Variants in SLIT1 observed in about 807,000 individuals in gnomAD.
SLIT1 encodes the protein slit guidance ligand 1.
In SLIT1, 66 loss-of-function variants were observed where a neutral mutation model predicts 186.1. The observed-to-expected ratio is 0.35, with a 90% confidence interval of 0.29 to 0.44. SLIT1 has a LOEUF of 0.44. Among genes scored for constraint, SLIT1 ranks in the 20% least tolerant of loss-of-function variants. The probability of loss-of-function intolerance (pLI) is 1.00; values close to 1 mark genes in which losing one functional copy is unlikely to be tolerated. For synonymous variants in SLIT1, 761 were observed against 833.8 expected (o/e 0.91, Z 1.50); for missense variants, 1,638 against 2,037.4 (o/e 0.80, Z 3.77).
At chr10:97,023,400 G>C (rs1848518242) in intron 25 of SLIT1, among the ~76,000 whole-genome samples, 1 of 151,942 alleles carries the variant, frequency 6.6e-6, no homozygotes, top group Admixed American at 6.6e-5. Flanking sequence ...CTCTAGAACA[G>C]ATGCCTAGAA....
At position 97,002,335 on chromosome 10, in the gene SLIT1, G is replaced by A; in HGVS notation, c.4189C>T (p.Leu1397Phe). ...VHGQCVPLDA[L>F]SYSCQCQDGY... is the part of the protein sequence containing the mutation. ...TCCTGGCACTGGCAGCTGTAGGAAAGAGCGTCGAGGGGCACGCATTGCCCA... is the reference window on the plus strand; with the variant it reads ...TCCTGGCACTGGCAGCTGTAGGAAAAAGCGTCGAGGGGCACGCATTGCCCA... The change falls in exon 36 of 37, where the codon CTT becomes TTT. Residue 1397 changes from leucine (L) to phenylalanine (F), a missense_variant. Coordinates refer to ENST00000266058, the MANE Select transcript of SLIT1 (RefSeq NM_003061.3). 1.2e-6 allele frequency: 2 copies of A among 1,610,724 alleles called. No individual in the cohort carries two copies. The highest frequency in any genetic ancestry group is 1.7e-6 in the Non-Finnish European group (2 of 1,179,394).
At chr10:97,055,502 C>T (rs1564663595) in intron 13 of SLIT1, among the ~76,000 whole-genome samples, 1 of 151,900 alleles carries the variant, frequency 6.6e-6, no homozygotes, top group Non-Finnish European at 1.5e-5. Flanking sequence ...GCTGGGACTA[C>T]AGGTATGTGC....
chr10:97,091,148 T>C (rs998733466), intron 4 of SLIT1, among the ~76,000 whole-genome samples: 3 of 152,268 alleles, frequency 2.0e-5, no homozygotes, highest in Non-Finnish European at 2.9e-5. Flanking sequence ...GCAAGTGCTA[T>C]GGATTCAAAG....
chr10:97,034,365 G>C (rs113322026), intron 23 of SLIT1, 106 bp downstream of exon 23: 1 of 811,906 alleles, frequency 1.2e-6, no homozygotes. Flanking sequence ...AGAGGGCAAG[G>C]CGTCTGCAGG....
intron 25 of SLIT1, among the ~76,000 whole-genome samples, chr10:97,024,687 G>A (rs1280119379): frequency 2.0e-5 from 3 of 152,164 alleles, no homozygotes; most frequent in Non-Finnish European, 4.4e-5. Flanking sequence ...AACAAAAAGT[G>A]TGATGTCACA....
rs761274185 is a variant in SLIT1, at chr10:97,164,782, GC to G, written c.269+36del. ...CCCTGCCCAGGACTGCCGTGGCATT[GC>G]CAGGGGTGGGGTGGGAGGGAGCACC... On this transcript the variant is annotated intron_variant, in intron 2 of 36. Coordinates refer to ENST00000266058, the MANE Select transcript of SLIT1 (RefSeq NM_003061.3). The G allele has an allele frequency of 7.1e-5, 107 of 1,517,398 alleles. No individual in the cohort carries two copies. In the African/African-American group the frequency reaches 1.4e-3, roughly 19 times the overall value. The allele number at this position is 1,517,398 out of a possible 1,614,324, so 94.0% of individuals were successfully genotyped here.
At chr10:97,020,512 C>T (rs1252456597) in intron 26 of SLIT1, among the ~76,000 whole-genome samples, 1 of 152,260 alleles carries the variant, frequency 6.6e-6, no homozygotes, top group Non-Finnish European at 1.5e-5. Flanking sequence ...GATCAGGCCC[C>T]CCGGAGCCGT....
intron 18 of SLIT1, among the ~76,000 whole-genome samples, chr10:97,044,343 CTAT>C (rs762378116): frequency 3.3e-5 from 5 of 152,162 alleles, no homozygotes; most frequent in Non-Finnish European, 7.3e-5. Flanking sequence ...TTACAGTAAG[CTAT>C]GATGGCACTA....
At chr10:97,127,822 C>T (rs1360543721) in intron 4 of SLIT1, among the ~76,000 whole-genome samples, 1 of 152,226 alleles carries the variant, frequency 6.6e-6, no homozygotes, top group African/African-American at 2.4e-5. Flanking sequence ...ACTCCTGCCA[C>T]CTCTTCGGGC....
intron 4 of SLIT1, among the ~76,000 whole-genome samples, chr10:97,066,318 G>A (rs890508385): frequency 5.3e-5 from 8 of 152,226 alleles, no homozygotes; most frequent in African/African-American, 1.7e-4. Flanking sequence ...AGGGAGCTCA[G>A]TCCCCAGCCA....
intron 4 of SLIT1, among the ~76,000 whole-genome samples, chr10:97,066,663 A>T (rs1848949527): frequency 6.6e-6 from 1 of 152,006 alleles, no homozygotes; most frequent in African/African-American, 2.4e-5. Flanking sequence ...CCATGAGAAA[A>T]AGCTCCCTGA....
At chr10:97,024,657 C>A (rs983193922) in intron 25 of SLIT1, among the ~76,000 whole-genome samples, 3 of 152,138 alleles carry the variant, frequency 2.0e-5, no homozygotes, top group Admixed American at 2.0e-4. Flanking sequence ...TTACACTCAC[C>A]AGATTAGTAT....
At chr10:97,163,261 C>T in intron 3 of SLIT1, 119 bp downstream of exon 3, 1 of 795,110 alleles carries the variant, frequency 1.3e-6, no homozygotes, top group East Asian at 2.5e-5. Flanking sequence ...CTGGTGGAGG[C>T]AGGCTGGGCA....
chr10:97,125,637 G>A (rs1208200990), intron 4 of SLIT1, among the ~76,000 whole-genome samples: 1 of 151,664 alleles, frequency 6.6e-6, no homozygotes, highest in African/African-American at 2.4e-5. Flanking sequence ...TCAGGAGTTA[G>A]AGACCAGCCT....
intron 3 of SLIT1, among the ~76,000 whole-genome samples, chr10:97,162,748 C>T (rs1850045534): frequency 6.6e-6 from 1 of 152,112 alleles, no homozygotes; most frequent in South Asian, 2.1e-4. Context: ...CACCTACAGC[C>T]AAACCACTTT....
chr10:97,162,776 C>T (rs73324841), intron 3 of SLIT1, among the ~76,000 whole-genome samples: 17,224 of 152,028 alleles, frequency 0.11, 1,493 homozygotes, highest in African/African-American at 0.23. Context: ...ACGAGATCGG[C>T]GACCACCGTG....
rs948685716 is a variant in SLIT1 at position 97,021,525 on chromosome 10, A to G, written c.2583-112T>C. 1.1e-6 allele frequency: 1 copy of G among 892,494 alleles called. No homozygotes were observed. The highest frequency in any genetic ancestry group is 1.7e-6 in the Non-Finnish European group (1 of 595,000). The allele number at this position is 892,494 out of a possible 1,614,324, so 55.3% of individuals were successfully genotyped here. A position where few individuals can be genotyped will look rare whatever the true frequency, so the allele number is the denominator to read the frequency against. On this transcript the variant is annotated intron_variant, in intron 25 of 36. Transcript: ENST00000266058. This position sits in a 1 kb window ranked among gnomAD's most constrained non-coding sequence, Gnocchi z 4.5. The stretch of plus-strand genomic sequence containing the variant: ...GGGGCTGGCAAAAATCTTAGCCTCC[A>G]TTTCATGAGCATTTACTGTATAGTC...
chr10:97,154,895 T>G (rs1014642828), intron 4 of SLIT1: 7 of 152,222 alleles, frequency 4.6e-5, no homozygotes, highest in African/African-American at 1.7e-4. Context: ...CTGTAAAATA[T>G]GAAACCATGA....
rs917727432 is a variant in SLIT1 at position 97,185,662 on chromosome 10, G to C, written c.13C>G (p.Pro5Ala). 2.0e-6 allele frequency: 3 copies of C among 1,534,992 alleles called. No homozygotes were observed. Among genetic ancestry groups the C allele is most frequent in the Non-Finnish European group, 8.7e-7 (1 of 1,144,156 alleles). ...GGCCCCGCCGAGGACCCCCACCCGG[G>C]AGTCAGCGCCATGGTGCCCTCACAG... MALTPGWGSSAGPVR... is the reference protein window; with the variant it reads MALTAGWGSSAGPVR... The change falls in exon 1 of 37, where the codon CCC becomes GCC. Residue 5 changes from proline (P) to alanine (A), a missense_variant. Physicochemically the swap from Pro to Ala is conservative, Grantham distance 27. This residue lies in a region of SLIT1 where 1,245 missense variants were observed against 1,535.3 expected (regional missense o/e 0.81). Transcript: ENST00000266058.
Sources: gnomAD v4.1 joint callset for allele counts (sites outside exome capture counted in the v4.1 genomes callset) on GRCh38, gnomAD v4.1.1 for gene constraint, gnomAD v4.1.1 regional missense constraint, Gnocchi (gnomAD v3.1) non-coding constraint, MANE v1.5 for transcripts, NCBI Gene and HGNC (gene_info 2026-07-23, HGNC 2026-07-21) for gene names.